Variants in CRACDL observed in about 807,000 individuals in gnomAD.
The protein encoded by CRACDL is CRACD-like protein.
In CRACDL, 26 loss-of-function variants were observed where a neutral mutation model predicts 70.6. That is an observed-to-expected ratio of 0.37 (90% CI 0.27 to 0.51). The LOEUF (loss-of-function observed/expected upper bound fraction) is 0.51. CRACDL is among the 20% of genes least tolerant of loss of function. The probability of loss-of-function intolerance (pLI) is 0.94; values close to 1 mark genes in which losing one functional copy is unlikely to be tolerated. For synonymous variants in CRACDL, 618 were observed against 615.2 expected (o/e 1.00, Z -0.07); for missense variants, 1,283 against 1,376.9 (o/e 0.93, Z 1.08).
intron 1 of CRACDL, among the ~76,000 whole-genome samples, chr2:98,930,783 A>T (rs1573215776): frequency 6.6e-6 from 1 of 152,142 alleles, no homozygotes; most frequent in Non-Finnish European, 1.5e-5. Context: ...AGGACCCTTT[A>T]TTGCTTTAGG....
chr2:98,821,849 G>A lies in CRACDL; in HGVS notation c.2416+8C>T, dbSNP rs1357654055. 1 of 1,606,642 alleles carries A rather than the reference G, an allele frequency of 6.2e-7. No individual in the cohort carries two copies. On this transcript the variant is annotated splice_region_variant and intron_variant, in intron 7 of 9. Coordinates refer to ENST00000397899, the MANE Select transcript of CRACDL (RefSeq NM_207362.3). ...CCTGCCCTTCCCGCACCCTCGGCGG[G>A]CTCTTACCAGCTCCCCTGCGCAGCG...
At chr2:98,863,578 A>G (rs1707018997) in intron 1 of CRACDL, among the ~76,000 whole-genome samples, 1 of 152,194 alleles carries the variant, frequency 6.6e-6, no homozygotes, top group Non-Finnish European at 1.5e-5. Context: ...CACTTTTTTA[A>G]AAAAAGAGGT....
intron 7 of CRACDL, among the ~76,000 whole-genome samples, chr2:98,814,308 C>T (rs1396552811): frequency 6.6e-6 from 1 of 152,006 alleles, no homozygotes; most frequent in Non-Finnish European, 1.5e-5. Flanking sequence ...TTGAGTTTCC[C>T]TAAGTACCAG....
intron 7 of CRACDL, among the ~76,000 whole-genome samples, chr2:98,800,527 C>G (rs746607924): frequency 4.6e-5 from 7 of 152,114 alleles, no homozygotes; most frequent in Non-Finnish European, 1.0e-4. Flanking sequence ...GCTGTGGCCA[C>G]AGCTCAAGAG....
chr2:98,821,773 A>T, intron 7 of CRACDL, 84 bp downstream of exon 7: 1 of 1,499,800 alleles, frequency 6.7e-7, no homozygotes. Flanking sequence ...TACCAGGAGC[A>T]TTTGGCGAGT....
intron 1 of CRACDL, among the ~76,000 whole-genome samples, chr2:98,879,997 CAGTT>C (rs1414263019): frequency 6.6e-6 from 1 of 152,250 alleles, no homozygotes; most frequent in East Asian, 1.9e-4. Context: ...CTGGCCTCCT[CAGTT>C]AGACTGTAAA....
At chr2:98,919,512 T>C (rs1034612379) in intron 1 of CRACDL, among the ~76,000 whole-genome samples, 2 of 152,248 alleles carry the variant, frequency 1.3e-5, no homozygotes, top group African/African-American at 4.8e-5. Context: ...AAGATGTTTT[T>C]CATCCCTTAA....
At chr2:98,798,301 C>G (rs983726038) in intron 7 of CRACDL, among the ~76,000 whole-genome samples, 24 of 152,056 alleles carry the variant, frequency 1.6e-4, no homozygotes, top group Admixed American at 1.4e-3. Flanking sequence ...GCTGAGATCA[C>G]GCCATTGCAC....
intron 1 of CRACDL, among the ~76,000 whole-genome samples, chr2:98,921,955 C>T (rs1020057613): frequency 1.3e-5 from 2 of 152,176 alleles, no homozygotes; most frequent in African/African-American, 2.4e-5. Context: ...ATGCCCCTTG[C>T]TCCACTTAAA....
intron 1 of CRACDL, among the ~76,000 whole-genome samples, chr2:98,855,395 A>C (rs1706659433): frequency 6.6e-6 from 1 of 152,212 alleles, no homozygotes; most frequent in Non-Finnish European, 1.5e-5. Context: ...TTCTTTATAT[A>C]AACATACAAA....
At chr2:98,859,029 TCTTCA>T (rs1706827720) in intron 1 of CRACDL, among the ~76,000 whole-genome samples, 1 of 152,202 alleles carries the variant, frequency 6.6e-6, no homozygotes, top group Non-Finnish European at 1.5e-5. Flanking sequence ...GCTCCAAATG[TCTTCA>T]TTGGTAAATC....
chr2:98,859,362 T>C (rs1049748534), intron 1 of CRACDL, among the ~76,000 whole-genome samples: 2 of 152,182 alleles, frequency 1.3e-5, no homozygotes, highest in African/African-American at 4.8e-5. Context: ...AAAAATCACA[T>C]GATCACTTTA....
chr2:98,841,462 G>A (rs947860339), intron 2 of CRACDL, among the ~76,000 whole-genome samples: 5 of 151,876 alleles, frequency 3.3e-5, no homozygotes, highest in African/African-American at 7.3e-5. Context: ...AAGGACCTTC[G>A]AATACTTTAA....
intron 1 of CRACDL, among the ~76,000 whole-genome samples, chr2:98,899,465 AG>A (rs1558630126): frequency 1.3e-5 from 2 of 152,230 alleles, no homozygotes; most frequent in African/African-American, 4.8e-5. Context: ...TGGACAGCCC[AG>A]ACGCTGTGAT....
intron 2 of CRACDL, among the ~76,000 whole-genome samples, chr2:98,840,483 C>T (rs4850888): frequency 0.47 from 71,120 of 151,952 alleles, 17,273 homozygotes; most frequent in African/African-American, 0.6. Flanking sequence ...CAGTGTTCTA[C>T]ATATGTCAAT....
intron 7 of CRACDL, among the ~76,000 whole-genome samples, chr2:98,807,241 T>C (rs1704342952): frequency 6.6e-6 from 1 of 152,220 alleles, no homozygotes; most frequent in South Asian, 2.1e-4. Context: ...CTACATCACA[T>C]ACCATCTCTT....
chr2:98,932,838 T>C (rs4490241), intron 1 of CRACDL, among the ~76,000 whole-genome samples: 152,342 of 152,350 alleles, frequency 1, 76,167 homozygotes, highest in Middle Eastern at 1. Context: ...AGCCATGATG[T>C]GCAGAGGACA....
rs549720019 is a variant in CRACDL, at chr2:98,875,554, A to G, written c.-10-28744T>C. Among the ~76,000 whole-genome samples the G allele has an allele frequency of 2.0e-5, 3 of 152,370 alleles. No homozygotes were observed. In the East Asian group the frequency reaches 5.8e-4, roughly 29 times the overall value. ...CAGTTGACAGACAGCAAGAGAGAAC[A>G]GAGCAAGCCTGGGACAGTGGGCTGT... On this transcript the variant is annotated intron_variant, in intron 1 of 9. Coordinates refer to ENST00000397899, the MANE Select transcript of CRACDL (RefSeq NM_207362.3).
Position 98,822,398 on chromosome 2 carries a change from C to T in CRACDL, c.1875G>A (p.Ala625=). ...CCGCCAGCTTCCGAGGGCCAGGTTT[C>T]GCGTGCTGGGGCTCGGGGAGACCCT... ...DLQGLPEPQH[A]KPGPRKLAER... Residue 625 remains alanine, a synonymous_variant, in exon 7 of 10, where the codon GCG becomes GCA. Coordinates refer to ENST00000397899, the MANE Select transcript of CRACDL (RefSeq NM_207362.3). This position sits in a 1 kb window ranked among gnomAD's most constrained non-coding sequence, Gnocchi z 4.9. 2.7e-6 allele frequency: 4 copies of T among 1,481,080 alleles called. No homozygotes were observed. The highest frequency in any genetic ancestry group is 3.6e-6 in the Non-Finnish European group (4 of 1,124,554). 91.7% of individuals were successfully genotyped at this position (1,481,080 alleles called of 1,614,324 possible).
Sources: gnomAD v4.1 joint callset for allele counts (sites outside exome capture counted in the v4.1 genomes callset) on GRCh38, gnomAD v4.1.1 for gene constraint, Gnocchi (gnomAD v3.1) non-coding constraint, MANE v1.5 for transcripts, NCBI Gene and HGNC (gene_info 2026-07-23, HGNC 2026-07-21) for gene names.